The following GRM1 variants were observed in gnomAD, a reference collection of about 807,000 sequenced individuals.
GRM1 encodes glutamate metabotropic receptor 1, also known as metabotropic glutamate receptor 1.
A neutral mutation model predicts 90.9 loss-of-function variants in GRM1; 33 were observed. That is an observed-to-expected ratio of 0.36 (90% CI 0.28 to 0.49). The LOEUF is 0.49. GRM1 is among the 20% of genes least tolerant of loss of function. The pLI is 0.99. For missense variants in GRM1, 1,190 were observed against 1,534.3 expected, an observed-to-expected ratio of 0.78 and a Z score of 3.75; for synonymous variants, 700 against 613.2, an observed-to-expected ratio of 1.14 and a Z score of -2.09.
At chr6:146,349,801 T>TA (rs1039594567) in intron 3 of GRM1, among the ~76,000 whole-genome samples, 82 of 152,218 alleles carry the variant, frequency 5.4e-4, no homozygotes, top group Admixed American at 1.2e-3. Context: ...TGAAATTAGT[T>TA]AAAAAATAAT....
At chr6:146,334,544 C>G (rs1399011522) in intron 3 of GRM1, among the ~76,000 whole-genome samples, 1 of 151,838 alleles carries the variant, frequency 6.6e-6, no homozygotes, top group Non-Finnish European at 1.5e-5. Context: ...AGAAAATTGC[C>G]CCTGTGATCC....
At chr6:146,421,461 TA>T (rs1413470469) in intron 7 of GRM1, among the ~76,000 whole-genome samples, 1 of 152,142 alleles carries the variant, frequency 6.6e-6, no homozygotes, top group Non-Finnish European at 1.5e-5. Context: ...TATTATTTAC[TA>T]ACACATATGA....
chr6:146,219,542 C>CT (rs1395661531), intron 2 of GRM1, among the ~76,000 whole-genome samples: 2 of 149,248 alleles, frequency 1.3e-5, no homozygotes, highest in African/African-American at 4.9e-5. Context: ...CAACCAGCCA[C>CT]TTAAAAAAAA....
At chr6:146,169,803 T>G (rs1028910268) in intron 2 of GRM1, among the ~76,000 whole-genome samples, 4 of 152,194 alleles carry the variant, frequency 2.6e-5, no homozygotes, top group African/African-American at 9.6e-5. Context: ...TTCATATATT[T>G]TATTTCGTGT....
chr6:146,391,924 G>A (rs1053878749), intron 6 of GRM1, among the ~76,000 whole-genome samples: 11 of 151,970 alleles, frequency 7.2e-5, no homozygotes, highest in African/African-American at 2.2e-4. Flanking sequence ...GTTACAACAC[G>A]AGAGTACTTA....
chr6:146,364,897 A>AGG (rs1775620699), intron 5 of GRM1: 2 of 152,278 alleles, frequency 1.3e-5, no homozygotes, highest in African/African-American at 4.8e-5. Flanking sequence ...CAGCTAAGAA[A>AGG]GTTAACAATA....
In GRM1 at chr6:146,349,324, G is replaced by A. The variant is rs550860682; in HGVS notation, c.1187-2926G>A. 3.5e-4 allele frequency among the ~76,000 whole-genome samples: 52 copies of A among 149,680 alleles called. No individual in the cohort carries two copies. In the South Asian group the frequency reaches 4.6e-3, roughly 13 times the overall value. ...TCTCGATCTCCTGACCTCATGATCC[G>A]TCCGCCTCAGCCTCCCAAAGTGCTG... is the stretch of plus-strand genomic sequence containing the variant. On this transcript the variant is annotated intron_variant, in intron 3 of 7. Coordinates refer to ENST00000282753, the MANE Select transcript of GRM1 (RefSeq NM_001278064.2).
chr6:146,294,868 T>C (rs1783122234), intron 2 of GRM1, among the ~76,000 whole-genome samples: 1 of 152,218 alleles, frequency 6.6e-6, no homozygotes, highest in Admixed American at 6.5e-5. Flanking sequence ...AGTTAATATT[T>C]GTTTGGTTAA....
chr6:146,405,929 G>A (rs1777331495), intron 7 of GRM1, among the ~76,000 whole-genome samples: 1 of 152,158 alleles, frequency 6.6e-6, no homozygotes, highest in South Asian at 2.1e-4. Flanking sequence ...CAAGGATGGG[G>A]ACTGTATGGT....
chr6:146,109,869 G>T (rs1775489269), intron 1 of GRM1, among the ~76,000 whole-genome samples: 2 of 152,204 alleles, frequency 1.3e-5, no homozygotes, highest in African/African-American at 4.8e-5. Flanking sequence ...GGAGCTTTAA[G>T]ATTTGACTGC....
At chr6:146,345,230 C>T (rs1318185000) in intron 3 of GRM1, among the ~76,000 whole-genome samples, 1 of 152,200 alleles carries the variant, frequency 6.6e-6, no homozygotes, top group Non-Finnish European at 1.5e-5. Flanking sequence ...GCTTCCATTT[C>T]ATCTACTTGG....
intron 3 of GRM1, among the ~76,000 whole-genome samples, chr6:146,325,691 A>C (rs1169645848): frequency 6.6e-6 from 1 of 152,202 alleles, no homozygotes; most frequent in Non-Finnish European, 1.5e-5. Context: ...GAACACTATT[A>C]TTAGGCATTA....
intron 1 of GRM1, among the ~76,000 whole-genome samples, chr6:146,080,459 C>T (rs1375613228): frequency 6.6e-6 from 1 of 152,088 alleles, no homozygotes; most frequent in Non-Finnish European, 1.5e-5. Context: ...ACACGTGACA[C>T]AGGGAGAGCC....
At chr6:146,401,974 C>T (rs1053382989) in intron 7 of GRM1, among the ~76,000 whole-genome samples, 1 of 152,150 alleles carries the variant, frequency 6.6e-6, no homozygotes, top group African/African-American at 2.4e-5. Context: ...CCTTCCCACA[C>T]CTGGAACCAC....
chr6:146,113,212 GTGT>G (rs930259541), intron 1 of GRM1, among the ~76,000 whole-genome samples: 2 of 151,992 alleles, frequency 1.3e-5, no homozygotes, highest in African/African-American at 4.8e-5. Flanking sequence ...GCATGTCCTC[GTGT>G]TTCCTCTACA....
chr6:146,323,470 C>T (rs535546074), intron 3 of GRM1, among the ~76,000 whole-genome samples: 13 of 152,122 alleles, frequency 8.5e-5, no homozygotes, highest in African/African-American at 2.2e-4. Flanking sequence ...TGTTTGAGTT[C>T]ATTGTAGATT....
intron 1 of GRM1, among the ~76,000 whole-genome samples, chr6:146,078,107 T>G (rs1776247585): frequency 6.6e-6 from 1 of 152,218 alleles, no homozygotes; most frequent in Non-Finnish European, 1.5e-5. Flanking sequence ...AAAAAAAGAT[T>G]TCCTTTGTCG....
In GRM1 at chr6:146,434,833, G is replaced by A. The variant is rs1350292377; in HGVS notation, c.*37G>A. ...CCACATAGAAAAGCAAGACAAGCCA[G>A]AGATCTCCCACACCTCCAGAGATGT... On this transcript the variant is annotated 3_prime_UTR_variant, in exon 8 of 8. Coordinates refer to ENST00000282753, the MANE Select transcript of GRM1 (RefSeq NM_001278064.2). 1 of 1,533,248 alleles carries A rather than the reference G, an allele frequency of 6.5e-7. No homozygotes were observed. The highest frequency in any genetic ancestry group is 1.4e-5 in the African/African-American group (1 of 73,504). 95.0% of individuals were successfully genotyped at this position (1,533,248 alleles called of 1,614,324 possible).
chr6:146,220,300 T>TA (rs1247030883), intron 2 of GRM1, among the ~76,000 whole-genome samples: 1 of 152,322 alleles, frequency 6.6e-6, no homozygotes, highest in East Asian at 1.9e-4. Flanking sequence ...AAATGTGTAT[T>TA]ATCAGGTCCA....
Sources: gnomAD v4.1 joint callset for allele counts (sites outside exome capture counted in the v4.1 genomes callset) on GRCh38, gnomAD v4.1.1 for gene constraint, MANE v1.5 for transcripts, NCBI Gene and HGNC (gene_info 2026-07-23, HGNC 2026-07-21) for gene names.